SRGAP3: variants seen among roughly 807,000 people sequenced by gnomAD.
SRGAP3 encodes the protein SLIT-ROBO Rho GTPase activating protein 3, also known as SLIT-ROBO Rho GTPase-activating protein 3.
SRGAP3 carries 39 observed loss-of-function variants against 121.1 expected under a neutral mutation model. That is an observed-to-expected ratio of 0.32 (90% CI 0.25 to 0.42). The LOEUF is 0.42. Among genes scored for constraint, SRGAP3 ranks in the 10% least tolerant of loss-of-function variants. The pLI is 1.00. For missense variants in SRGAP3, 1,213 were observed against 1,470.6 expected, an observed-to-expected ratio of 0.82 and a Z score of 2.86; for synonymous variants, 601 against 570.0, an observed-to-expected ratio of 1.05 and a Z score of -0.77.
chr3:9,189,223 AC>A (rs1360837604), intron 1 of SRGAP3, among the ~76,000 whole-genome samples: 1 of 152,210 alleles, frequency 6.6e-6, no homozygotes, highest in Non-Finnish European at 1.5e-5. Context: ...CAAATTAAAA[AC>A]AAATCCAAAG....
intron 1 of SRGAP3, among the ~76,000 whole-genome samples, chr3:9,139,477 G>T (rs1316498963): frequency 6.6e-6 from 1 of 152,216 alleles, no homozygotes. Context: ...AGAGATTGCA[G>T]TGATGCAACC....
intron 1 of SRGAP3, among the ~76,000 whole-genome samples, chr3:9,223,573 G>A (rs768345266): frequency 5.3e-5 from 8 of 152,182 alleles, no homozygotes; most frequent in Non-Finnish European, 1.2e-4. Flanking sequence ...ATACATTAAA[G>A]ATACTCAGTC....
chr3:9,088,170 G>A (rs542813847), intron 3 of SRGAP3, among the ~76,000 whole-genome samples: 122 of 152,096 alleles, frequency 8.0e-4, no homozygotes, highest in Non-Finnish European at 1.4e-3. Context: ...TAATGTATTC[G>A]CTCTCACTGC....
At chr3:9,283,263 T>G (rs1954713277) in intron 3 of SRGAP3, among the ~76,000 whole-genome samples, 1 of 152,198 alleles carries the variant, frequency 6.6e-6, no homozygotes, top group African/African-American at 2.4e-5. Context: ...AAAGACTAGT[T>G]GCATGTAGAA....
Position 9,155,005 on chromosome 3 carries a change from G to GT in SRGAP3, c.68-30089dup, listed in dbSNP as rs56008553. Among the ~76,000 whole-genome samples, 486 of 141,616 alleles carry GT rather than the reference G, an allele frequency of 3.4e-3. 1 individual carries two copies. Among genetic ancestry groups the GT allele is most frequent in the South Asian group, 7.3e-3 (32 of 4,394 alleles). The allele number at this position is 141,616 out of a possible 152,430, so 92.9% of individuals were successfully genotyped here. A position where few individuals can be genotyped will look rare whatever the true frequency, so the allele number is the denominator to read the frequency against. On this transcript the variant is annotated intron_variant, in intron 1 of 21. Transcript: ENST00000383836. The stretch of plus-strand genomic sequence containing the variant: ...GTTTGTTTTATGTTTTTTGTTTTTT[G>GT]TTTTTTTTTTGCATCCTGTTTTTTA...
intron 1 of SRGAP3, among the ~76,000 whole-genome samples, chr3:9,342,275 C>T (rs936726676): frequency 2.0e-5 from 3 of 151,618 alleles, no homozygotes; most frequent in African/African-American, 7.3e-5. Flanking sequence ...CGCTTGAACC[C>T]GGGAGGCAGA....
chr3:8,990,399 G>A, intron 21 of SRGAP3, 113 bp downstream of exon 21: 2 of 1,361,730 alleles, frequency 1.5e-6, no homozygotes, highest in Non-Finnish European at 2.0e-6. Context: ...CCTGTTCTCT[G>A]GCTTAGCCAT....
intron 3 of SRGAP3, among the ~76,000 whole-genome samples, chr3:9,089,152 G>C (rs1947630552): frequency 6.6e-6 from 1 of 152,044 alleles, no homozygotes; most frequent in Non-Finnish European, 1.5e-5. Context: ...GCCTCCCAAA[G>C]TGCTGGGATT....
chr3:9,228,787 C>A (rs891772654), intron 1 of SRGAP3, among the ~76,000 whole-genome samples: 2 of 152,280 alleles, frequency 1.3e-5, no homozygotes, highest in South Asian at 2.1e-4. Context: ...CTAGGCCGGG[C>A]GCGGTGGGCT....
chr3:9,067,096 C>T (rs1263017657), intron 4 of SRGAP3, among the ~76,000 whole-genome samples: 1 of 152,158 alleles, frequency 6.6e-6, no homozygotes, highest in Non-Finnish European at 1.5e-5. Flanking sequence ...ACAATACCTT[C>T]CACATAGTAA....
rs61745234 is a variant in SRGAP3 at position 9,058,404 on chromosome 3, G to C, written c.870C>G (p.Asn290Lys). ...TFRTYLSAEYNLETSRHEGLD... is the reference protein window; with the variant it reads ...TFRTYLSAEYKLETSRHEGLD... ...GCCCTTCGTGGCGAGAGGTCTCCAG[G>C]TTGTATTCAGCTGAGAGATAGGTCC... The change falls in exon 7 of 22, where the codon AAC becomes AAG. Residue 290 changes from asparagine to lysine, a missense_variant. Asn to Lys is a moderately conservative substitution (Grantham distance 94, BLOSUM62 0). This residue lies in a region of SRGAP3 where 793 missense variants were observed against 1,032.9 expected (regional missense o/e 0.77). Coordinates refer to ENST00000383836, the MANE Select transcript of SRGAP3 (RefSeq NM_014850.4). The C allele has an allele frequency of 5.6e-6, 9 of 1,614,230 alleles. No individual in the cohort carries two copies. Among genetic ancestry groups the C allele is most frequent in the Non-Finnish European group, 7.6e-6 (9 of 1,180,040 alleles).
intron 3 of SRGAP3, among the ~76,000 whole-genome samples, chr3:9,273,681 G>C (rs1404277319): frequency 6.6e-6 from 1 of 152,134 alleles, no homozygotes; most frequent in African/African-American, 2.4e-5. Context: ...TGTCATGAAG[G>C]CTTCCCCTAC....
chr3:9,263,211 T>A (rs1173391244), intron 3 of SRGAP3, among the ~76,000 whole-genome samples: 5 of 152,132 alleles, frequency 3.3e-5, no homozygotes, highest in African/African-American at 9.7e-5. Context: ...GGGACACAGC[T>A]AAAGCAGTGC....
intron 18 of SRGAP3, among the ~76,000 whole-genome samples, chr3:9,006,642 C>A (rs1943097786): frequency 2.0e-5 from 3 of 151,978 alleles, no homozygotes; most frequent in Middle Eastern, 6.8e-3. Context: ...AAGGTAACCT[C>A]AAAAATTTCA....
chr3:9,309,541 A>T (rs2600189), intron 3 of SRGAP3, among the ~76,000 whole-genome samples: 42 of 152,152 alleles, frequency 2.8e-4, no homozygotes, highest in Non-Finnish European at 5.0e-4. Flanking sequence ...AATGTCATTC[A>T]CCTAAATTTG....
intron 1 of SRGAP3, among the ~76,000 whole-genome samples, chr3:9,212,998 T>A (rs1952498207): frequency 1.3e-5 from 2 of 152,204 alleles, no homozygotes; most frequent in South Asian, 4.1e-4. Context: ...CATTTCCCCC[T>A]GCTGATGCAG....
At chr3:9,355,432 T>C (rs891509644) in intron 1 of SRGAP3, among the ~76,000 whole-genome samples, 4 of 152,240 alleles carry the variant, frequency 2.6e-5, no homozygotes, top group African/African-American at 9.6e-5. Context: ...GATGTATCCA[T>C]CCCATCTCTC....
chr3:9,035,804 A>G (rs1397932460), intron 11 of SRGAP3: 1 of 156,998 alleles, frequency 6.4e-6, no homozygotes, highest in African/African-American at 2.4e-5. Flanking sequence ...ATTCCCCTAG[A>G]TAACCTAATA....
At chr3:9,076,378 A>G (rs1388923013) in intron 4 of SRGAP3, among the ~76,000 whole-genome samples, 2 of 152,200 alleles carry the variant, frequency 1.3e-5, no homozygotes, top group African/African-American at 4.8e-5. Context: ...AAAATACCTA[A>G]TACAGAGTGA....
Sources: gnomAD v4.1 joint callset for allele counts (sites outside exome capture counted in the v4.1 genomes callset) on GRCh38, gnomAD v4.1.1 for gene constraint, gnomAD v4.1.1 regional missense constraint, MANE v1.5 for transcripts, NCBI Gene and HGNC (gene_info 2026-07-23, HGNC 2026-07-21) for gene names.